PLEKHM1: variants seen among roughly 807,000 people sequenced by gnomAD.
PLEKHM1 encodes the protein pleckstrin homology domain-containing family M member 1.
A neutral mutation model predicts 94.3 loss-of-function variants in PLEKHM1; 28 were observed. The observed-to-expected ratio is 0.30, with a 90% CI of 0.22 to 0.41. The LOEUF is 0.41. Among genes scored for constraint, PLEKHM1 ranks in the 10% least tolerant of loss-of-function variants. PLEKHM1 has a pLI of 1.00. For synonymous variants in PLEKHM1, 424 were observed against 581.2 expected (o/e 0.73, Z 3.89); for missense variants, 907 against 1,358.6 (o/e 0.67, Z 5.22).
In PLEKHM1 at chr17:45,477,964, T is replaced by G. The variant is rs1198301320; in HGVS notation, c.232A>C (p.Ser78Arg). ...TGGGGCAGAGGCTTCTGGTGGGCAC[T>G]TTTCTTCCTTTTTCCTCCGGCCTCA... is the stretch of plus-strand genomic sequence containing the variant. ...RAEAGGKRKK[S>R]AHQKPLPQPV... The change falls in exon 3 of 12, where the codon AGT becomes CGT. Residue 78 changes from serine to arginine, a missense_variant. This residue lies in a region of PLEKHM1 where 176 missense variants were observed against 306.0 expected (regional missense o/e 0.58). Transcript: ENST00000430334. 1.9e-6 allele frequency: 3 copies of G among 1,613,854 alleles called. No homozygotes were observed. In the African/African-American group the frequency reaches 4.0e-5, roughly 22 times the overall value.
chr17:45,449,291 CACCCATCT>C (rs1209702032), intron 8 of PLEKHM1, among the ~76,000 whole-genome samples: 4 of 151,802 alleles, frequency 2.6e-5, no homozygotes, highest in East Asian at 1.9e-4. Flanking sequence ...ACCCACCGTC[CACCCATCT>C]ACCCATCTAC....
At chr17:45,458,813 TTA>T (rs1168347801) in intron 5 of PLEKHM1, among the ~76,000 whole-genome samples, 1 of 151,410 alleles carries the variant, frequency 6.6e-6, no homozygotes, top group African/African-American at 2.4e-5. Flanking sequence ...GATATGGCTC[TTA>T]TATCATAAAA....
Position 45,458,586 on chromosome 17 carries a change from C to T in PLEKHM1, c.1309-147G>A, listed in dbSNP as rs4588023. 0.69 allele frequency: 525,858 copies of T among 759,552 alleles called. 184,318 individuals carry two copies. Among genetic ancestry groups the T allele is most frequent in the African/African-American group, 0.78 (44,979 of 57,876 alleles). 47.1% of individuals were successfully genotyped at this position (759,552 alleles called of 1,614,324 possible). A position where few individuals can be genotyped will look rare whatever the true frequency, so the allele number is the denominator to read the frequency against. Reference sequence around the variant, plus strand: ...CCTGGGTTCAAGCGATTCTCCTGCCCCAGTCTCCTGAGTAGCTGGGATTAC... The same window carrying T: ...CCTGGGTTCAAGCGATTCTCCTGCCTCAGTCTCCTGAGTAGCTGGGATTAC... On this transcript the variant is annotated intron_variant, in intron 5 of 11. Coordinates refer to ENST00000430334, the MANE Select transcript of PLEKHM1 (RefSeq NM_014798.3).
chr17:45,436,776 T>C lies in PLEKHM1; in HGVS notation c.*1082A>G, dbSNP rs1239891665. On this transcript the variant is annotated 3_prime_UTR_variant, in exon 12 of 12. Coordinates refer to ENST00000430334, the MANE Select transcript of PLEKHM1 (RefSeq NM_014798.3). ...GATGCTTTGGGAATTCATGGCTTTG[T>C]GAGGTGGTGGCTGCATCCACAGGGC... 4.4e-6 allele frequency: 2 copies of C among 454,098 alleles called. No homozygotes were observed. Among genetic ancestry groups the C allele is most frequent in the East Asian group, 1.4e-4 (2 of 14,386 alleles). The allele number at this position is 454,098 out of a possible 1,614,324, so 28.1% of individuals were successfully genotyped here.
intron 4 of PLEKHM1, among the ~76,000 whole-genome samples, chr17:45,468,844 C>G (rs1295544903): frequency 6.6e-6 from 1 of 152,084 alleles, no homozygotes; most frequent in Non-Finnish European, 1.5e-5. Flanking sequence ...CGAAAAAGCT[C>G]CCCAGCAGAG....
In PLEKHM1 at chr17:45,453,554, G is replaced by A. The variant is rs1300588377; in HGVS notation, c.2298C>T (p.Ala766=). 3.1e-6 allele frequency: 5 copies of A among 1,603,958 alleles called. No individual in the cohort carries two copies. The highest frequency in any genetic ancestry group is 4.3e-6 in the Non-Finnish European group (5 of 1,174,304). ...KLQAGNAEEA[A]LWRDLVRKVL... is the part of the protein sequence containing the mutation. ...CTTTGCGGACCAGATCCCTCCACAG[G>A]GCGGCTTCCTCGGCGTTTCCGGCCT... is the stretch of plus-strand genomic sequence containing the variant. Residue 766 remains alanine, a synonymous_variant, in exon 7 of 12, where the codon GCC becomes GCT. Transcript: ENST00000430334. The surrounding 1 kb of genome is among the most constrained non-coding windows in gnomAD (Gnocchi z 4.1).
chr17:45,472,207 C>G (rs192846561), intron 4 of PLEKHM1, among the ~76,000 whole-genome samples: 552 of 152,240 alleles, frequency 3.6e-3, no homozygotes, highest in African/African-American at 0.012. Flanking sequence ...TCAAGAAATG[C>G]TGGTCTCTGT....
chr17:45,474,524 G>T (rs1320219162), intron 4 of PLEKHM1, among the ~76,000 whole-genome samples: 2 of 152,186 alleles, frequency 1.3e-5, no homozygotes, highest in African/African-American at 4.8e-5. Context: ...ATTCTGTGAA[G>T]TCACACTCTT....
intron 2 of PLEKHM1, among the ~76,000 whole-genome samples, chr17:45,478,643 G>A (rs1344426578): frequency 2.0e-5 from 3 of 152,160 alleles, no homozygotes; most frequent in Non-Finnish European, 1.5e-5. Context: ...ATAAAAACAT[G>A]AGGAGAACAG....
rs201023092 is a variant in PLEKHM1, at chr17:45,437,885, C to T, written c.3144G>A (p.Lys1048=). Residue 1048 remains lysine (K), a synonymous_variant, in exon 12 of 12, where the codon AAG becomes AAA. Transcript: ENST00000430334. The surrounding 1 kb of genome is among the most constrained non-coding windows in gnomAD (Gnocchi z 4.0). ...KGCPRCARRR[K]YQEQNIFA ...AGGCGAAAATGTTCTGTTCCTGGTA[C>T]TTGCGCCGGCGGGCACAGCGGGGGC... 1.1e-5 allele frequency: 18 copies of T among 1,613,992 alleles called. No individual in the cohort carries two copies. In the East Asian group the frequency reaches 3.8e-4, roughly 34 times the overall value.
chr17:45,483,998 C>T (rs994703160), intron 1 of PLEKHM1, among the ~76,000 whole-genome samples: 1 of 152,236 alleles, frequency 6.6e-6, no homozygotes, highest in African/African-American at 2.4e-5. Context: ...CGAAGTGGGG[C>T]GTGGGCCATG....
intron 6 of PLEKHM1, among the ~76,000 whole-genome samples, chr17:45,457,964 G>A (rs2051017711): frequency 1.3e-5 from 2 of 152,102 alleles, no homozygotes; most frequent in Non-Finnish European, 2.9e-5. Flanking sequence ...TTTGTCCTCT[G>A]TAGGCAGTTT....
chr17:45,438,980 G>A (rs1224613677), intron 11 of PLEKHM1, among the ~76,000 whole-genome samples: 1 of 152,278 alleles, frequency 6.6e-6, no homozygotes, highest in African/African-American at 2.4e-5. Flanking sequence ...TGGGTTGCAG[G>A]AAGGTCTGGA....
At chr17:45,468,084 T>C in intron 5 of PLEKHM1, 125 bp downstream of exon 5, 1 of 1,026,364 alleles carries the variant, frequency 9.7e-7, no homozygotes, top group Non-Finnish European at 1.5e-6. Flanking sequence ...ATTAACACTA[T>C]CACTATGCAG....
intron 4 of PLEKHM1, among the ~76,000 whole-genome samples, chr17:45,472,812 G>A (rs2051559331): frequency 6.6e-6 from 1 of 152,190 alleles, no homozygotes. Context: ...TCCAAGCCCA[G>A]TCCGTAACAC....
At position 45,453,044 on chromosome 17, in the gene PLEKHM1, G is replaced by C; in HGVS notation, c.2497+311C>G. 3.6e-6 allele frequency: 2 copies of C among 563,244 alleles called. No individual in the cohort carries two copies. The highest frequency in any genetic ancestry group is 3.2e-6 in the Non-Finnish European group (1 of 313,126). 34.9% of individuals were successfully genotyped at this position (563,244 alleles called of 1,614,324 possible). A position where few individuals can be genotyped will look rare whatever the true frequency, so the allele number is the denominator to read the frequency against. ...CCTGCTCTGAAAGAACAGGACGGTA[G>C]AGCAAGAAGAAAATGAAGCAGGCTG... On this transcript the variant is annotated intron_variant, in intron 7 of 11. Transcript: ENST00000430334. This position sits in a 1 kb window ranked among gnomAD's most constrained non-coding sequence, Gnocchi z 4.1.
At position 45,476,464 on chromosome 17, in the gene PLEKHM1, C is replaced by T. The variant is rs572940236; in HGVS notation, c.297-738G>A. Reference sequence around the variant, plus strand: ...GGAGCGCTCCAATTACAGCATGTGGCGGAAAAGTGGGTGGTTTGGTTGCAA... The same window carrying T: ...GGAGCGCTCCAATTACAGCATGTGGTGGAAAAGTGGGTGGTTTGGTTGCAA... On this transcript the variant is annotated intron_variant, in intron 3 of 11. Transcript: ENST00000430334. Among the ~76,000 whole-genome samples the T allele has an allele frequency of 1.8e-4, 27 of 151,976 alleles. No homozygotes were observed. In the South Asian group the frequency reaches 4.3e-3, roughly 24 times the overall value.
Position 45,445,540 on chromosome 17 carries a change from C to T in PLEKHM1, c.2767G>A (p.Glu923Lys), listed in dbSNP as rs1316375624. The change falls in exon 9 of 12, where the codon GAG (glutamate) becomes AAG (lysine). Residue 923 changes from glutamate to lysine, a missense_variant. Glu to Lys is a moderately conservative substitution (Grantham distance 56). Around this residue, in one of 3 missense-constraint regions of PLEKHM1, gnomAD observed 254 missense variants for 451.1 expected, o/e 0.56. Transcript: ENST00000430334. This position sits in a 1 kb window ranked among gnomAD's most constrained non-coding sequence, Gnocchi z 4.2. ...TAATCCCCCAGGAGCTTCAGCTGCTCCCGTCTCCTCCCAATGAGGTGCATC... is the reference window on the plus strand; with the variant it reads ...TAATCCCCCAGGAGCTTCAGCTGCTTCCGTCTCCTCCCAATGAGGTGCATC... ...ERMHLIGRRR[E>K]QLKLLGDYLG... The T allele has an allele frequency of 6.2e-7, 1 of 1,613,766 alleles. No individual in the cohort carries two copies. The highest frequency in any genetic ancestry group is 2.2e-5 in the East Asian group (1 of 44,904).
chr17:45,481,392 G>C (rs1367125928), intron 2 of PLEKHM1, among the ~76,000 whole-genome samples: 1 of 151,272 alleles, frequency 6.6e-6, no homozygotes, highest in African/African-American at 2.5e-5. Context: ...AAGCTCAAAA[G>C]TTTTTAATCT....
Sources: allele counts gnomAD v4.1 joint callset (sites outside exome capture counted in the v4.1 genomes callset), GRCh38; gene constraint gnomAD v4.1.1; regional missense constraint gnomAD v4.1.1; non-coding constraint Gnocchi (gnomAD v3.1); transcripts MANE v1.5; gene names NCBI Gene and HGNC (gene_info 2026-07-23, HGNC 2026-07-21).